The following SEMA6D variants were observed in gnomAD, a reference collection of about 807,000 sequenced individuals.
SEMA6D encodes the protein semaphorin 6D, also known as semaphorin-6D.
Under a neutral mutation model 106.6 loss-of-function variants are expected in SEMA6D, and 35 were observed. The observed-to-expected ratio is 0.33, with a 90% CI of 0.25 to 0.44. The LOEUF is 0.44. SEMA6D is among the 20% of genes least tolerant of loss of function. SEMA6D has a pLI of 1.00. For synonymous variants in SEMA6D, 499 were observed against 487.7 expected (o/e 1.02, Z -0.31); for missense variants, 1,185 against 1,345.9 (o/e 0.88, Z 1.87).
intron 9 of SEMA6D, among the ~76,000 whole-genome samples, 174 bp from the exon 10 acceptor site, chr15:47,763,676 C>T (rs1290195095): frequency 6.6e-6 from 1 of 152,182 alleles, no homozygotes; most frequent in Non-Finnish European, 1.5e-5. Context: ...TTTTTCCCCA[C>T]AGGTGAATCT....
At chr15:47,367,966 C>T (rs1257584678) in intron 1 of SEMA6D, among the ~76,000 whole-genome samples, 3 of 147,970 alleles carry the variant, frequency 2.0e-5, no homozygotes, top group African/African-American at 7.5e-5. Context: ...CTTAATGCTC[C>T]TTTTTTTTTT....
chr15:47,591,893 G>A (rs2076446513), intron 3 of SEMA6D, among the ~76,000 whole-genome samples: 1 of 152,172 alleles, frequency 6.6e-6, no homozygotes, highest in African/African-American at 2.4e-5. Flanking sequence ...AGAGCTTGGG[G>A]AGAATGACAT....
intron 1 of SEMA6D, among the ~76,000 whole-genome samples, chr15:47,357,205 G>A (rs2038611043): frequency 1.3e-5 from 2 of 151,988 alleles, no homozygotes; most frequent in South Asian, 4.2e-4. Context: ...GAGGTGGCGG[G>A]CACCTGTAGT....
At chr15:47,593,398 T>C (rs1596386313) in intron 3 of SEMA6D, among the ~76,000 whole-genome samples, 2 of 56,818 alleles carry the variant, frequency 3.5e-5, no homozygotes, top group Non-Finnish European at 2.9e-5. Context: ...AGAGCGAAAC[T>C]CCGTCTCAAA....
At chr15:47,744,878 A>G (rs1266227336) in intron 1 of SEMA6D, among the ~76,000 whole-genome samples, 1 of 152,190 alleles carries the variant, frequency 6.6e-6, no homozygotes, top group Non-Finnish European at 1.5e-5. Flanking sequence ...ACCAAACTCA[A>G]AATCATAAAA....
chr15:47,533,722 G>T (rs937126820), intron 3 of SEMA6D, among the ~76,000 whole-genome samples: 2 of 152,096 alleles, frequency 1.3e-5, no homozygotes, highest in Non-Finnish European at 2.9e-5. Flanking sequence ...GAGGACAGGG[G>T]GCCATTGGAA....
chr15:47,189,350 T>C (rs1460664482), intron 1 of SEMA6D, among the ~76,000 whole-genome samples: 1 of 152,184 alleles, frequency 6.6e-6, no homozygotes, highest in Non-Finnish European at 1.5e-5. Context: ...TTAAATACAG[T>C]AGTTAACGTT....
intron 4 of SEMA6D, among the ~76,000 whole-genome samples, chr15:47,706,711 T>A (rs1306871809): frequency 6.6e-6 from 1 of 151,940 alleles, no homozygotes; most frequent in Non-Finnish European, 1.5e-5. Flanking sequence ...CTCTCTCTCT[T>A]TCTCTCTATT....
At chr15:47,378,126 T>C (rs891403590) in intron 1 of SEMA6D, among the ~76,000 whole-genome samples, 1 of 152,166 alleles carries the variant, frequency 6.6e-6, no homozygotes, top group African/African-American at 2.4e-5. Context: ...AAGGGTGGCT[T>C]CCAAAAGAAG....
intron 1 of SEMA6D, among the ~76,000 whole-genome samples, chr15:47,261,346 C>T (rs542431541): frequency 2.0e-5 from 3 of 152,294 alleles, no homozygotes; most frequent in South Asian, 2.1e-4. Context: ...ATTTCATTTG[C>T]TTTCCTCTTG....
Position 47,771,315 on chromosome 15 carries a change from G to T in SEMA6D, c.2752G>T (p.Val918Phe). The stretch of plus-strand genomic sequence containing the variant: ...GGATCCCATGGGATCGATGTCTGAG[G>T]TCCCACCTAAAGTCCCTAACCGGGA... ...MLDPMGSMSE[V>F]PPKVPNREAS... The change falls in exon 19 of 19, where the codon GTC (valine) becomes TTC (phenylalanine). Residue 918 changes from valine (V) to phenylalanine (F), a missense_variant. Around this residue, in one of 3 missense-constraint regions of SEMA6D, gnomAD observed 750 missense variants for 783.5 expected, o/e 0.96. Coordinates refer to ENST00000536845, the MANE Select transcript of SEMA6D (RefSeq NM_001358351.3). 1 of 1,613,888 alleles carries T rather than the reference G, an allele frequency of 6.2e-7. No homozygotes were observed. Among genetic ancestry groups the T allele is most frequent in the East Asian group, 2.2e-5 (1 of 44,840 alleles).
At chr15:47,316,515 G>A (rs2036686238) in intron 1 of SEMA6D, among the ~76,000 whole-genome samples, 1 of 151,650 alleles carries the variant, frequency 6.6e-6, no homozygotes, top group Non-Finnish European at 1.5e-5. Flanking sequence ...TCACAATTAA[G>A]TATGATGTTA....
intron 3 of SEMA6D, among the ~76,000 whole-genome samples, chr15:47,528,838 C>T (rs2044849850): frequency 6.6e-6 from 1 of 152,122 alleles, no homozygotes; most frequent in Admixed American, 6.6e-5. Flanking sequence ...GGCACCAACC[C>T]CTAACACAGT....
intron 1 of SEMA6D, among the ~76,000 whole-genome samples, chr15:47,327,727 A>G (rs1381350579): frequency 6.6e-6 from 1 of 152,150 alleles, no homozygotes; most frequent in African/African-American, 2.4e-5. Context: ...ACTGGGAAAT[A>G]CCGTTGGTAG....
chr15:47,741,571 C>T (rs191090434), intron 1 of SEMA6D, among the ~76,000 whole-genome samples: 1 of 152,232 alleles, frequency 6.6e-6, no homozygotes, highest in African/African-American at 2.4e-5. Flanking sequence ...ACAAAATCAG[C>T]CGGGCGTGGT....
At chr15:47,770,221 G>A (rs1053053876) in intron 18 of SEMA6D, among the ~76,000 whole-genome samples, 8 of 152,068 alleles carry the variant, frequency 5.3e-5, no homozygotes, top group African/African-American at 1.9e-4. Context: ...TTTTTAACAT[G>A]TAACAACTAT....
chr15:47,406,737 C>T (rs1056300546), intron 1 of SEMA6D, among the ~76,000 whole-genome samples: 3 of 145,626 alleles, frequency 2.1e-5, no homozygotes, highest in Non-Finnish European at 4.5e-5. Context: ...GTTGTATACC[C>T]GAAGTTTCCT....
intron 4 of SEMA6D, among the ~76,000 whole-genome samples, chr15:47,680,465 C>G (rs919909876): frequency 2.0e-5 from 3 of 152,116 alleles, no homozygotes; most frequent in Non-Finnish European, 4.4e-5. Flanking sequence ...AACATAGGTA[C>G]TAACTGGTTA....
In SEMA6D at chr15:47,250,919, C is replaced by G. The variant is rs1481074116; in HGVS notation, c.-239+66501C>G. Among the ~76,000 whole-genome samples, 8 of 152,320 alleles carry G rather than the reference C, an allele frequency of 5.3e-5. No homozygotes were observed. The South Asian group carries it at 6.2e-4, about 12-fold the overall frequency. On this transcript the variant is annotated intron_variant, in intron 1 of 19. Transcript: ENST00000558014. ...GGATGACATGCAGCGAATCCTTTAT[C>G]TGGTTTATAATGTAGAAAGATACGA...
Sources: allele counts gnomAD v4.1 joint callset (sites outside exome capture counted in the v4.1 genomes callset), GRCh38; gene constraint gnomAD v4.1.1; regional missense constraint gnomAD v4.1.1; transcripts MANE v1.5; gene names NCBI Gene and HGNC (gene_info 2026-07-23, HGNC 2026-07-21).